TNFRSF19: variants seen among roughly 807,000 people sequenced by gnomAD.
TNFRSF19 encodes TNF receptor superfamily member 19.
Under a neutral mutation model 46.4 loss-of-function variants are expected in TNFRSF19, and 27 were observed. The observed-to-expected ratio is 0.58, with a 90% CI of 0.43 to 0.80. The LOEUF (loss-of-function observed/expected upper bound fraction) is 0.80, where lower values mean the gene tolerates loss of function less well. TNFRSF19 is among the 30% of genes least tolerant of loss of function. The pLI, the probability that TNFRSF19 is intolerant of heterozygous loss-of-function variation, is 0.00. For missense variants in TNFRSF19, 511 were observed against 530.8 expected (o/e 0.96, Z 0.37); for synonymous variants, 204 against 205.0 (o/e 1.00, Z 0.04).
rs1311454604 is a variant in TNFRSF19 at position 23,634,261 on chromosome 13, A to G, written c.445+7469A>G. ...AGTTGACAGCACCCCTTGAATTGGG[A>G]GCTGCTCTTCAAAGTCGCTGTGTGC... On this transcript the variant is annotated intron_variant, in intron 5 of 9. Coordinates refer to ENST00000248484, the MANE Select transcript of TNFRSF19 (RefSeq NM_148957.4). Among the ~76,000 whole-genome samples the G allele has an allele frequency of 3.9e-5, 6 of 152,318 alleles. No homozygotes were observed. In the East Asian group the frequency reaches 7.7e-4, roughly 20 times the overall value.
Position 23,600,778 on chromosome 13 carries a change from C to G in TNFRSF19, c.180+7323C>G, listed in dbSNP as rs78989638. On this transcript the variant is annotated intron_variant, in intron 3 of 9. Coordinates refer to ENST00000248484, the MANE Select transcript of TNFRSF19 (RefSeq NM_148957.4). ...GAAGCTTACAGTACAGAGGCACAGG[C>G]CTGCACAGGACTATGGAAAGCTGCC... Among the ~76,000 whole-genome samples, 1,269 of 152,264 alleles carry G rather than the reference C, an allele frequency of 8.3e-3. 28 individuals carry two copies. Among genetic ancestry groups the G allele is most frequent in the East Asian group, 0.076 (395 of 5,176 alleles).
intron 5 of TNFRSF19, among the ~76,000 whole-genome samples, chr13:23,645,091 G>T (rs192803836): frequency 1.0e-3 from 154 of 152,266 alleles, no homozygotes; most frequent in African/African-American, 3.6e-3. Context: ...AATAAATTTG[G>T]AAGGGGCTAC....
intron 4 of TNFRSF19, among the ~76,000 whole-genome samples, chr13:23,620,836 AGCTCTTTGCTTCTTCTGGTG>A (rs1157599577): frequency 6.6e-6 from 1 of 152,132 alleles, no homozygotes; most frequent in Non-Finnish European, 1.5e-5. Context: ...GGCCCCTGCC[AGCTCTTTGCTTCTTCTGGTG>A]ACAATGACAA....
chr13:23,672,185 T>C (rs1377881958), intron 9 of TNFRSF19, among the ~76,000 whole-genome samples: 1 of 152,228 alleles, frequency 6.6e-6, no homozygotes, highest in Non-Finnish European at 1.5e-5. Flanking sequence ...ATAGTTATGG[T>C]TCCAGATAAA....
intron 5 of TNFRSF19, among the ~76,000 whole-genome samples, chr13:23,649,708 C>G (rs1233475608): frequency 6.6e-6 from 1 of 152,028 alleles, no homozygotes; most frequent in African/African-American, 2.4e-5. Flanking sequence ...TCCCTCTGAG[C>G]ACTGCTTTTG....
Position 23,584,315 on chromosome 13 carries a change from A to G in TNFRSF19, c.-34-5835A>G, listed in dbSNP as rs181646485. Among the ~76,000 whole-genome samples the G allele has an allele frequency of 3.2e-3, 483 of 152,230 alleles. 2 individuals carry two copies. Among genetic ancestry groups the G allele is most frequent in the African/African-American group, 0.011 (444 of 41,530 alleles). On this transcript the variant is annotated intron_variant, in intron 1 of 9. Transcript: ENST00000248484. ...AGCTTAGCTCCCAGTTATGAGTAAG[A>G]ACATACAATGTTTGGTTTTCCATTC...
At chr13:23,620,684 A>G (rs1397504297) in intron 4 of TNFRSF19, among the ~76,000 whole-genome samples, 2 of 152,202 alleles carry the variant, frequency 1.3e-5, no homozygotes, top group Admixed American at 6.5e-5. Flanking sequence ...ATTATTGCCA[A>G]TTGATGATTT....
At position 23,641,320 on chromosome 13, in the gene TNFRSF19, T is replaced by C. The variant is rs190632597; in HGVS notation, c.445+14528T>C. Among the ~76,000 whole-genome samples, 207 of 152,354 alleles carry C rather than the reference T, an allele frequency of 1.4e-3. 5 individuals are homozygous for C. Among genetic ancestry groups the C allele is most frequent in the Admixed American group, 0.013 (203 of 15,304 alleles). The stretch of plus-strand genomic sequence containing the variant: ...TGACAAATAATTAAATGTTTTCTTA[T>C]TTGCAGATCAAGGATTTTCTTTTTT... On this transcript the variant is annotated intron_variant, in intron 5 of 9. Coordinates refer to ENST00000248484, the MANE Select transcript of TNFRSF19 (RefSeq NM_148957.4).
intron 7 of TNFRSF19, among the ~76,000 whole-genome samples, chr13:23,666,895 G>C (rs1951644576): frequency 6.6e-6 from 1 of 152,082 alleles, no homozygotes; most frequent in South Asian, 2.1e-4. Context: ...TTTATAAAGA[G>C]AGACTGTAGT....
chr13:23,623,972 A>AT (rs1409874247), intron 4 of TNFRSF19, among the ~76,000 whole-genome samples: 1 of 151,874 alleles, frequency 6.6e-6, no homozygotes, highest in East Asian at 1.9e-4. Flanking sequence ...CCATTTGTCA[A>AT]TTTTTTCTCT....
intron 7 of TNFRSF19, among the ~76,000 whole-genome samples, chr13:23,661,763 T>C (rs540637032): frequency 1.3e-5 from 2 of 152,250 alleles, no homozygotes; most frequent in Non-Finnish European, 2.9e-5. Flanking sequence ...TATCTCTTTG[T>C]GGTTTTCATT....
chr13:23,612,442 A>G (rs1880972116), intron 3 of TNFRSF19, among the ~76,000 whole-genome samples: 1 of 152,236 alleles, frequency 6.6e-6, no homozygotes, highest in Non-Finnish European at 1.5e-5. Context: ...AAGGTGCATT[A>G]GAAATATGAC....
intron 2 of TNFRSF19, 68 bp downstream of exon 2, chr13:23,590,320 A>T (rs1879175253): frequency 1.0e-6 from 1 of 956,032 alleles, no homozygotes; most frequent in Non-Finnish European, 1.6e-6. Context: ...AAGTAGTAGG[A>T]GTACCAAAAT....
At chr13:23,633,947 T>C (rs2138314319) in intron 5 of TNFRSF19, among the ~76,000 whole-genome samples, 1 of 152,324 alleles carries the variant, frequency 6.6e-6, no homozygotes, top group African/African-American at 2.4e-5. Flanking sequence ...AAATACACCA[T>C]AAATGTAATT....
intron 3 of TNFRSF19, 82 bp downstream of exon 3, chr13:23,593,537 A>C: frequency 1.0e-6 from 1 of 952,978 alleles, no homozygotes; most frequent in Non-Finnish European, 1.6e-6. Flanking sequence ...GTTAATTATT[A>C]ATGAAACTTT....
chr13:23,660,417 T>A lies in TNFRSF19; in HGVS notation c.663T>A (p.Phe221Leu). ...IQYNGSELSC[F>L]DRPQLHEYAH... The stretch of plus-strand genomic sequence containing the variant: ...ACAACGGCTCTGAGCTGTCGTGTTT[T>A]GACAGACCTCAGCTCCACGAATATG... The change falls in exon 7 of 10, where the codon TTT (phenylalanine) becomes TTA (leucine). Residue 221 changes from phenylalanine (F) to leucine (L), a missense_variant. Phe to Leu is a conservative substitution (Grantham distance 22). Coordinates refer to ENST00000248484, the MANE Select transcript of TNFRSF19 (RefSeq NM_148957.4). 1 of 1,613,958 alleles carries A rather than the reference T, an allele frequency of 6.2e-7. No homozygotes were observed. The highest frequency in any genetic ancestry group is 8.5e-7 in the Non-Finnish European group (1 of 1,180,026).
intron 3 of TNFRSF19, among the ~76,000 whole-genome samples, chr13:23,602,088 G>C (rs1313782639): frequency 6.6e-6 from 1 of 152,038 alleles, no homozygotes; most frequent in Non-Finnish European, 1.5e-5. Context: ...ATCAGAGCAG[G>C]TCAAAAAACA....
At chr13:23,661,821 G>T (rs150987000) in intron 7 of TNFRSF19, among the ~76,000 whole-genome samples, 10 of 152,182 alleles carry the variant, frequency 6.6e-5, no homozygotes, top group Admixed American at 3.3e-4. Context: ...TCATATGCTT[G>T]TTGGCCACAT....
chr13:23,580,057 T>C (rs745527492), intron 1 of TNFRSF19, among the ~76,000 whole-genome samples: 18 of 152,178 alleles, frequency 1.2e-4, no homozygotes, highest in Non-Finnish European at 2.2e-4. Flanking sequence ...GCAGGAATTA[T>C]TAGTATATTG....
Sources: allele counts gnomAD v4.1 joint callset (sites outside exome capture counted in the v4.1 genomes callset), GRCh38; gene constraint gnomAD v4.1.1; transcripts MANE v1.5; gene names NCBI Gene and HGNC (gene_info 2026-07-23, HGNC 2026-07-21).